Variants in ARL17B observed in about 807,000 individuals in gnomAD.
ARL17B encodes ARF like GTPase 17B.
rs1032043496 is a variant in ARL17B at position 46,282,014 on chromosome 17, C to CTA, written c.*22-6598_*22-6597dup. The stretch of plus-strand genomic sequence containing the variant: ...CTGCCTACTTTTCTTGCTTCCTTGC[C>CTA]TATATATATATTCATTTATTTTTTA... On this transcript the variant is annotated intron_variant, in intron 4 of 4. Coordinates refer to the ARL17B transcript ENST00000570618. Among the ~76,000 whole-genome samples, 10 of 152,110 alleles carry CTA rather than the reference C, an allele frequency of 6.6e-5. No homozygotes were observed. In the East Asian group the frequency reaches 7.7e-4, roughly 12 times the overall value.
intron 4 of ARL17B, among the ~76,000 whole-genome samples, chr17:46,291,720 T>C (rs1267141159): frequency 6.7e-6 from 1 of 150,374 alleles, no homozygotes; most frequent in African/African-American, 2.5e-5. Context: ...AGCCCGGGAG[T>C]TTGAGACCAG....
intron 3 of ARL17B, among the ~76,000 whole-genome samples, chr17:46,340,703 C>T (rs1251779187): frequency 5.2e-5 from 4 of 77,414 alleles, no homozygotes; most frequent in Non-Finnish European, 1.4e-4. Flanking sequence ...CCACCATGCC[C>T]GGCCAATTTT....
intron 4 of ARL17B, among the ~76,000 whole-genome samples, chr17:46,275,893 A>AG (rs2049572524): frequency 3.4e-5 from 5 of 145,724 alleles, no homozygotes; most frequent in Admixed American, 1.4e-4. Context: ...TTTTATTCAC[A>AG]ATTTTTTTTT....
intron 4 of ARL17B, among the ~76,000 whole-genome samples, chr17:46,278,700 C>T (rs2049669212): frequency 6.6e-6 from 1 of 152,206 alleles, no homozygotes. Flanking sequence ...CCGCACCTGG[C>T]TGAGTCCAAG....
rs2051696101 is a variant in ARL17B at position 46,325,700 on chromosome 17, T to C, written c.260-26035A>G. Among the ~76,000 whole-genome samples, 2 of 80,274 alleles carry C rather than the reference T, an allele frequency of 2.5e-5. 1 individual carries two copies. Among genetic ancestry groups the C allele is most frequent in the African/African-American group, 6.3e-5 (2 of 31,602 alleles). 52.7% of individuals were successfully genotyped at this position (80,274 alleles called of 152,430 possible). A position where few individuals can be genotyped will look rare whatever the true frequency, so the allele number is the denominator to read the frequency against. ...CCATTGAGTGATGATAGTCCTCTGG[T>C]TATGTCGGAGAATGCCTTGGTTCTT... On this transcript the variant is annotated intron_variant, in intron 3 of 4. Transcript: ENST00000434041.
In ARL17B at chr17:46,308,594, T is replaced by C. The variant is rs1235622564; in HGVS notation, c.260-8929A>G. ...AGTGTATGTTAGGGGCTGGGCTCCG[T>C]TGGAGTCAAATCTTCCTGGTAAACA... On this transcript the variant is annotated intron_variant, in intron 3 of 4. Coordinates refer to the ARL17B transcript ENST00000434041. Among the ~76,000 whole-genome samples the C allele has an allele frequency of 2.5e-5, 2 of 78,720 alleles. 1 individual carries two copies. Among genetic ancestry groups the C allele is most frequent in the Non-Finnish European group, 7.6e-5 (2 of 26,320 alleles). The allele number at this position is 78,720 out of a possible 152,430, so 51.6% of individuals were successfully genotyped here.
chr17:46,291,648 C>T (rs1567858375), intron 4 of ARL17B, among the ~76,000 whole-genome samples: 2 of 152,024 alleles, frequency 1.3e-5, no homozygotes, highest in African/African-American at 2.4e-5. Flanking sequence ...AGGGCCCATA[C>T]GGTGGCTCAT....
chr17:46,355,606 CAT>C (rs1184203446), intron 2 of ARL17B, among the ~76,000 whole-genome samples: 3 of 7,392 alleles, frequency 4.1e-4, no homozygotes, highest in African/African-American at 2.3e-3. Flanking sequence ...CCGTCCAATA[CAT>C]AGTCACTAGC....
At chr17:46,332,714 A>C, downstream of ARL17B, 1 of 671,170 alleles carries the variant, frequency 1.5e-6, no homozygotes, top group Non-Finnish European at 2.4e-6. Context: ...GTGTGGATTC[A>C]GAGCTCACAA....
chr17:46,283,720 G>A (rs1251162095), intron 4 of ARL17B, among the ~76,000 whole-genome samples: 3 of 152,194 alleles, frequency 2.0e-5, no homozygotes, highest in Non-Finnish European at 2.9e-5. Context: ...AAAGAAATAA[G>A]GGGGCCCAGG....
At position 46,281,191 on chromosome 17, in the gene ARL17B, C is replaced by T. The variant is rs372711969; in HGVS notation, c.*22-5773G>A. Among the ~76,000 whole-genome samples the T allele has an allele frequency of 2.4e-4, 37 of 152,192 alleles. No individual in the cohort carries two copies. The South Asian group carries it at 7.2e-3, about 30-fold the overall frequency. On this transcript the variant is annotated intron_variant, in intron 4 of 4. Transcript: ENST00000570618. ...GAGTGAGTCTTTTTCCATTTGTCCA[C>T]CTGGCTTATAATGTTTATCAACTGA...
At chr17:46,323,527 G>C (rs2051515924) in intron 3 of ARL17B, among the ~76,000 whole-genome samples, 2 of 91,746 alleles carry the variant, frequency 2.2e-5, no homozygotes, top group Admixed American at 2.2e-4. Flanking sequence ...CTTCCGAGTA[G>C]CTGGGATTAC....
chr17:46,282,649 T>C (rs1368555448), intron 4 of ARL17B, among the ~76,000 whole-genome samples: 10 of 151,694 alleles, frequency 6.6e-5, no homozygotes, highest in Non-Finnish European at 1.3e-4. Flanking sequence ...CTTGAACTCC[T>C]GGCTTCAAGC....
chr17:46,275,715 C>T (rs1412072541), intron 4 of ARL17B, among the ~76,000 whole-genome samples: 1 of 152,104 alleles, frequency 6.6e-6, no homozygotes, highest in Non-Finnish European at 1.5e-5. Flanking sequence ...GAGACATTTA[C>T]AGAAGCATTA....
intron 4 of ARL17B, among the ~76,000 whole-genome samples, chr17:46,285,241 C>CT (rs56201620): frequency 0.063 from 8,609 of 137,356 alleles, 313 homozygotes; most frequent in Middle Eastern, 0.12. Flanking sequence ...CTTTTCTTTC[C>CT]TTTTTTTTTT....
At chr17:46,276,453 A>G (rs1202776062) in intron 4 of ARL17B, among the ~76,000 whole-genome samples, 2 of 152,252 alleles carry the variant, frequency 1.3e-5, no homozygotes, top group Non-Finnish European at 2.9e-5. Context: ...AAGGTACAAT[A>G]AAACAGTGAC....
intron 4 of ARL17B, among the ~76,000 whole-genome samples, chr17:46,281,445 G>A (rs567642046): frequency 0.066 from 8,834 of 134,428 alleles, no homozygotes; most frequent in Non-Finnish European, 0.11. Flanking sequence ...GCTGGAGAGC[G>A]GTGGTGTAAT....
At chr17:46,284,428 T>A (rs867362469) in intron 4 of ARL17B, among the ~76,000 whole-genome samples, 2,680 of 123,738 alleles carry the variant, frequency 0.022, no homozygotes, top group Non-Finnish European at 0.036. Context: ...ACAGCACATG[T>A]CTCAGAGAGC....
chr17:46,280,376 C>G (rs1161534198), intron 4 of ARL17B, among the ~76,000 whole-genome samples: 6 of 151,344 alleles, frequency 4.0e-5, no homozygotes, highest in African/African-American at 1.5e-4. Flanking sequence ...AAACACAAAA[C>G]AACAGAAAAA....
Sources: allele counts gnomAD v4.1 joint callset (sites outside exome capture counted in the v4.1 genomes callset), GRCh38; gene constraint gnomAD v4.1.1; transcripts MANE v1.5; gene names NCBI Gene and HGNC (gene_info 2026-07-23, HGNC 2026-07-21).